GOLPH3: variants seen among roughly 807,000 people sequenced by gnomAD.
GOLPH3 encodes the protein golgi phosphoprotein 3.
Under a neutral mutation model 28.5 loss-of-function variants are expected in GOLPH3, and 14 were observed. The ratio of observed to expected loss-of-function variants is 0.49; its 90% CI spans 0.32 to 0.77. The LOEUF is 0.77. Ranked by LOEUF, GOLPH3 falls within the 30% of genes least tolerant of loss-of-function variation. The probability of loss-of-function intolerance (pLI) is 0.03; values close to 1 mark genes in which losing one functional copy is unlikely to be tolerated. For missense variants in GOLPH3, 350 were observed against 393.7 expected (o/e 0.89, Z 0.94); for synonymous variants, 158 against 159.2 (o/e 0.99, Z 0.06).
At chr5:32,164,242 TG>T (rs1255344758) in intron 1 of GOLPH3, among the ~76,000 whole-genome samples, 5 of 152,190 alleles carry the variant, frequency 3.3e-5, no homozygotes, top group Non-Finnish European at 7.3e-5. Flanking sequence ...CTTATTTCAA[TG>T]TTTCTCACCC....
At chr5:32,133,280 T>C (rs1745864543) in intron 3 of GOLPH3, among the ~76,000 whole-genome samples, 1 of 152,218 alleles carries the variant, frequency 6.6e-6, no homozygotes, top group East Asian at 1.9e-4. Flanking sequence ...TACAAAATGT[T>C]ACTTAACAGG....
rs112275667 is a variant in GOLPH3 at position 32,137,486 on chromosome 5, C to T, written c.358-1800G>A. ...CCAGCCTGGCCAACATGGTGAAACCCGGTCTCTACTAATAATACAAAAATT... is the reference window on the plus strand; with the variant it reads ...CCAGCCTGGCCAACATGGTGAAACCTGGTCTCTACTAATAATACAAAAATT... On this transcript the variant is annotated intron_variant, in intron 2 of 3. Coordinates refer to ENST00000265070, the MANE Select transcript of GOLPH3 (RefSeq NM_022130.4). 8.1e-3 allele frequency among the ~76,000 whole-genome samples: 1,226 copies of T among 151,784 alleles called. 22 individuals carry two copies. Among genetic ancestry groups the T allele is most frequent in the African/African-American group, 0.028 (1,170 of 41,398 alleles).
intron 1 of GOLPH3, among the ~76,000 whole-genome samples, chr5:32,154,936 A>T (rs1188765756): frequency 6.6e-6 from 1 of 152,102 alleles, no homozygotes; most frequent in African/African-American, 2.4e-5. Context: ...TACAAAAATT[A>T]GCCAGGCGTG....
At chr5:32,154,410 T>G (rs1278308987) in intron 1 of GOLPH3, among the ~76,000 whole-genome samples, 2 of 152,206 alleles carry the variant, frequency 1.3e-5, no homozygotes, top group African/African-American at 4.8e-5. Flanking sequence ...ATAATTCCAA[T>G]GTAGTAGTGA....
chr5:32,132,264 T>C (rs1046806743), intron 3 of GOLPH3, among the ~76,000 whole-genome samples: 5 of 152,214 alleles, frequency 3.3e-5, no homozygotes, highest in African/African-American at 1.2e-4. Context: ...AGTTTTAACA[T>C]GTATACATGT....
At chr5:32,142,713 C>A (rs1746102786) in intron 2 of GOLPH3, among the ~76,000 whole-genome samples, 1 of 147,248 alleles carries the variant, frequency 6.8e-6, no homozygotes, top group Non-Finnish European at 1.5e-5. Flanking sequence ...GGATCAGCCC[C>A]CCGCCTGGCC....
chr5:32,140,973 G>A (rs1033339836), intron 2 of GOLPH3, among the ~76,000 whole-genome samples: 4 of 151,892 alleles, frequency 2.6e-5, no homozygotes, highest in African/African-American at 9.7e-5. Flanking sequence ...GAGCAGCCCA[G>A]GCAACATAGC....
intron 3 of GOLPH3, 132 bp from the exon 4 acceptor site, chr5:32,126,768 CCTAA>C: frequency 2.9e-6 from 2 of 698,706 alleles, no homozygotes; most frequent in Admixed American, 2.9e-5. Flanking sequence ...TGTTTTTCTC[CCTAA>C]CTAGACCATG....
intron 1 of GOLPH3, among the ~76,000 whole-genome samples, chr5:32,157,566 G>A (rs549455319): frequency 1.3e-5 from 2 of 152,082 alleles, no homozygotes; most frequent in Non-Finnish European, 2.9e-5. Context: ...CTCCAGCCCC[G>A]GATCAATCCA....
intron 2 of GOLPH3, among the ~76,000 whole-genome samples, chr5:32,141,958 C>T (rs1746074116): frequency 6.6e-6 from 1 of 152,078 alleles, no homozygotes; most frequent in South Asian, 2.1e-4. Flanking sequence ...TCGCTACAAC[C>T]TCCACCTCCC....
intron 3 of GOLPH3, among the ~76,000 whole-genome samples, chr5:32,132,484 T>C (rs1745844053): frequency 6.6e-6 from 1 of 152,206 alleles, no homozygotes; most frequent in Non-Finnish European, 1.5e-5. Context: ...ATTTTTCTTT[T>C]CTCTGAACTA....
chr5:32,126,264 T>C lies in GOLPH3; in HGVS notation c.845A>G (p.Lys282Arg). Residue 282 changes from lysine to arginine, a missense_variant, in exon 4 of 4, where the codon AAG (lysine) becomes AGG (arginine). By Grantham distance (26) the Lys-to-Arg change is conservative. Transcript: ENST00000265070. Reference sequence around the variant, plus strand: ...CCACAGAACCTCATTGGTGTTGGCCTTCAGACATTCCACTTCAGGGTCTAA... The same window carrying C: ...CCACAGAACCTCATTGGTGTTGGCCCTCAGACATTCCACTTCAGGGTCTAA... ...LDLDPEVECL[K>R]ANTNEVLWAV... is the part of the protein sequence containing the mutation. 6.2e-7 allele frequency: 1 copy of C among 1,614,168 alleles called. No homozygotes were observed. The highest frequency in any genetic ancestry group is 8.5e-7 in the Non-Finnish European group (1 of 1,180,022).
intron 1 of GOLPH3, among the ~76,000 whole-genome samples, chr5:32,164,268 G>C (rs1243408720): frequency 6.6e-6 from 1 of 152,118 alleles, no homozygotes; most frequent in East Asian, 1.9e-4. Context: ...TTTCATCACT[G>C]TTCCCTTAAG....
chr5:32,157,690 A>C (rs1746460102), intron 1 of GOLPH3, among the ~76,000 whole-genome samples: 1 of 152,164 alleles, frequency 6.6e-6, no homozygotes, highest in African/African-American at 2.4e-5. Context: ...CTTTAATGAT[A>C]CTGGGGTTGG....
intron 1 of GOLPH3, among the ~76,000 whole-genome samples, chr5:32,164,995 G>T (rs1164145533): frequency 1.3e-5 from 2 of 150,008 alleles, no homozygotes; most frequent in Admixed American, 6.7e-5. Flanking sequence ...CACCTCCTGG[G>T]TTCATGTGAT....
chr5:32,143,707 TACA>T (rs1471199881), intron 2 of GOLPH3, 39 bp downstream of exon 2: 2 of 1,559,838 alleles, frequency 1.3e-6, no homozygotes, highest in East Asian at 2.3e-5. Flanking sequence ...TTTTAAGCAG[TACA>T]ACCTCTTTAA....
chr5:32,172,114 C>T (rs1746849467), intron 1 of GOLPH3, among the ~76,000 whole-genome samples: 1 of 152,166 alleles, frequency 6.6e-6, no homozygotes, highest in Non-Finnish European at 1.5e-5. Flanking sequence ...ATCATCACAA[C>T]TCAATAATTA....
chr5:32,155,326 T>G (rs1170299615), intron 1 of GOLPH3, among the ~76,000 whole-genome samples: 3 of 152,100 alleles, frequency 2.0e-5, no homozygotes, highest in Non-Finnish European at 2.9e-5. Flanking sequence ...GCTGAGACTA[T>G]AAGCAGGCAC....
At chr5:32,158,904 ATC>A (rs1225964071) in intron 1 of GOLPH3, among the ~76,000 whole-genome samples, 3 of 152,222 alleles carry the variant, frequency 2.0e-5, no homozygotes, top group African/African-American at 7.2e-5. Flanking sequence ...TACACTGAGT[ATC>A]TATGCTGTTA....
Sources: allele counts gnomAD v4.1 joint callset (sites outside exome capture counted in the v4.1 genomes callset), GRCh38; gene constraint gnomAD v4.1.1; transcripts MANE v1.5; gene names NCBI Gene and HGNC (gene_info 2026-07-23, HGNC 2026-07-21).